CHRM5: variants seen among roughly 807,000 people sequenced by gnomAD.
The protein encoded by CHRM5 is muscarinic acetylcholine receptor M5.
CHRM5 carries 18 observed loss-of-function variants against 39.0 expected under a neutral mutation model. The observed-to-expected ratio is 0.46, with a 90% CI of 0.32 to 0.68. CHRM5 has a LOEUF of 0.68. CHRM5 is among the 30% of genes least tolerant of loss of function. The pLI, the probability that CHRM5 is intolerant of heterozygous loss-of-function variation, is 0.04. For synonymous variants in CHRM5, 241 were observed against 246.3 expected (o/e 0.98, Z 0.20); for missense variants, 515 against 651.1 (o/e 0.79, Z 2.28).
chr15:34,038,891 GCCCCGGCGTCCGCCTCCGT>G, intron 1 of CHRM5: 2 of 1,135,900 alleles, frequency 1.8e-6, no homozygotes, highest in East Asian at 4.9e-5. Context: ...CACGGCCACG[GCCCCGGCGTCCGCCTCCGT>G]CCCCGCCGCC....
Position 34,067,108 on chromosome 15 carries a change from T to C in CHRM5, c.*2792T>C, listed in dbSNP as rs612992. On this transcript the variant is annotated 3_prime_UTR_variant, in exon 3 of 3. Transcript: ENST00000383263. ...GGCTTTGTCTATAGTAAACCATGTATGACTTTGGCTAGTTACCTACTGGAT... is the reference window on the plus strand; with the variant it reads ...GGCTTTGTCTATAGTAAACCATGTACGACTTTGGCTAGTTACCTACTGGAT... 0.99 allele frequency: 150,733 copies of C among 152,330 alleles called. 74,598 individuals carry two copies. Among genetic ancestry groups the C allele is most frequent in the Middle Eastern group, 1 (294 of 294 alleles). The allele number at this position is 152,330 out of a possible 1,614,324, so 9.4% of individuals were successfully genotyped here. A position where few individuals can be genotyped will look rare whatever the true frequency, so the allele number is the denominator to read the frequency against.
intron 1 of CHRM5, among the ~76,000 whole-genome samples, chr15:33,998,197 C>T (rs932543985): frequency 1.4e-4 from 22 of 152,192 alleles, no homozygotes; most frequent in Non-Finnish European, 5.9e-5. Context: ...TCCACCTGCA[C>T]AATAGATCCT....
chr15:34,023,867 T>C (rs529305003), intron 1 of CHRM5, among the ~76,000 whole-genome samples: 1 of 152,198 alleles, frequency 6.6e-6, no homozygotes, highest in Admixed American at 6.5e-5. Context: ...GCCACGTTTT[T>C]GGCCAGGGAA....
intron 1 of CHRM5, among the ~76,000 whole-genome samples, chr15:34,028,634 C>T (rs548727176): frequency 2.0e-5 from 3 of 152,238 alleles, no homozygotes; most frequent in African/African-American, 7.2e-5. Context: ...GGCAAAGTGA[C>T]TATAAATATA....
chr15:33,978,256 C>A (rs1895974069), intron 1 of CHRM5, among the ~76,000 whole-genome samples: 1 of 152,170 alleles, frequency 6.6e-6, no homozygotes, highest in Non-Finnish European at 1.5e-5. Context: ...ATCCTCTGAA[C>A]ATGTGTGGTA....
At chr15:34,025,685 T>C (rs375441634) in intron 1 of CHRM5, among the ~76,000 whole-genome samples, 12 of 152,280 alleles carry the variant, frequency 7.9e-5, no homozygotes, top group African/African-American at 2.9e-4. Flanking sequence ...TAAAGACGCA[T>C]CATATCCACC....
At chr15:33,982,968 G>A (rs1170136225) in intron 1 of CHRM5, among the ~76,000 whole-genome samples, 2 of 151,862 alleles carry the variant, frequency 1.3e-5, no homozygotes, top group Admixed American at 6.6e-5. Context: ...CTCCTGTTGG[G>A]ATAATTTTTG....
At chr15:34,002,259 T>C (rs1297659438) in intron 1 of CHRM5, among the ~76,000 whole-genome samples, 1 of 152,244 alleles carries the variant, frequency 6.6e-6, no homozygotes, top group Admixed American at 6.5e-5. Flanking sequence ...GCAGTCAAGA[T>C]ACTAATCAGT....
intron 2 of CHRM5, among the ~76,000 whole-genome samples, chr15:34,049,693 G>A (rs1567488761): frequency 6.6e-6 from 1 of 151,984 alleles, no homozygotes; most frequent in Admixed American, 6.6e-5. Flanking sequence ...ACCCCAGTAA[G>A]ATACTCCACA....
Position 34,062,915 on chromosome 15 carries a change from C to A in CHRM5, c.198C>A (p.Asn66Lys). Residue 66 changes from asparagine (N) to lysine (K), a missense_variant, in exon 3 of 3, where the codon AAC becomes AAA. Physicochemically the swap from Asn to Lys is moderately conservative, Grantham distance 94. Coordinates refer to ENST00000383263, the MANE Select transcript of CHRM5 (RefSeq NM_012125.4). ...KVNSQLKTVN[N>K]YYLLSLACAD... ...ACAGCCAGCTCAAGACAGTTAACAACTATTACCTGCTCAGCTTAGCCTGTG... is the reference window on the plus strand; with the variant it reads ...ACAGCCAGCTCAAGACAGTTAACAAATATTACCTGCTCAGCTTAGCCTGTG... 6.2e-7 allele frequency: 1 copy of A among 1,614,234 alleles called. No homozygotes were observed. The highest frequency in any genetic ancestry group is 8.5e-7 in the Non-Finnish European group (1 of 1,180,046).
intron 2 of CHRM5, among the ~76,000 whole-genome samples, chr15:34,053,314 AAAAAAATATATATAT>A (rs1361162314): frequency 5.5e-5 from 6 of 108,248 alleles, no homozygotes; most frequent in African/African-American, 2.1e-4. Flanking sequence ...AAAAAAAAAA[AAAAAAATATATATAT>A]ATATATATAT....
At chr15:34,021,862 AAAAAT>A (rs1052075863) in intron 1 of CHRM5, among the ~76,000 whole-genome samples, 11 of 152,176 alleles carry the variant, frequency 7.2e-5, no homozygotes, top group African/African-American at 4.8e-5. Flanking sequence ...TCTCAAAAAT[AAAAAT>A]AAAATAAAAT....
chr15:34,051,981 C>T (rs1356315667), intron 2 of CHRM5, among the ~76,000 whole-genome samples: 1 of 152,176 alleles, frequency 6.6e-6, no homozygotes, highest in African/African-American at 2.4e-5. Context: ...AGGGACTCCT[C>T]CCTGACTCAT....
intron 2 of CHRM5, among the ~76,000 whole-genome samples, chr15:34,054,757 G>T (rs1161340775): frequency 6.6e-6 from 1 of 152,130 alleles, no homozygotes; most frequent in South Asian, 2.1e-4. Context: ...TAGGTAATGG[G>T]ATGATGTGTG....
At chr15:34,026,423 C>T (rs905704241) in intron 1 of CHRM5, among the ~76,000 whole-genome samples, 3 of 151,918 alleles carry the variant, frequency 2.0e-5, no homozygotes, top group Non-Finnish European at 2.9e-5. Context: ...AAAGGAAACA[C>T]GGATTAATTT....
At chr15:34,004,195 T>A (rs77742998) in intron 1 of CHRM5, among the ~76,000 whole-genome samples, 12,026 of 152,272 alleles carry the variant, frequency 0.079, 642 homozygotes, top group Non-Finnish European at 0.12. Context: ...ATAAAAAAGT[T>A]CCCTGTATTA....
At chr15:34,044,096 G>GAA (rs769916088) in intron 1 of CHRM5, among the ~76,000 whole-genome samples, 3 of 129,088 alleles carry the variant, frequency 2.3e-5, no homozygotes, top group African/African-American at 2.8e-5. Flanking sequence ...TAAAAAAAAT[G>GAA]AAAAAAAAAA....
chr15:34,016,296 A>C (rs890212628), intron 1 of CHRM5, among the ~76,000 whole-genome samples: 16 of 152,242 alleles, frequency 1.1e-4, no homozygotes, highest in Non-Finnish European at 2.1e-4. Flanking sequence ...CTGCATTAGA[A>C]TGAAGTGCAC....
intron 1 of CHRM5, among the ~76,000 whole-genome samples, chr15:34,037,728 ATTTAAG>A (rs957093866): frequency 2.4e-4 from 37 of 152,072 alleles, no homozygotes; most frequent in Admixed American, 2.2e-3. Flanking sequence ...TCCTAACAAG[ATTTAAG>A]TTTGTTACAT....
Sources: gnomAD v4.1 joint callset for allele counts (sites outside exome capture counted in the v4.1 genomes callset) on GRCh38, gnomAD v4.1.1 for gene constraint, MANE v1.5 for transcripts, NCBI Gene and HGNC (gene_info 2026-07-23, HGNC 2026-07-21) for gene names.